UGT1A5: variants seen among roughly 807,000 people sequenced by gnomAD.
UGT1A5 encodes UDP glucuronosyltransferase family 1 member A5.
A neutral mutation model predicts 40.3 loss-of-function variants in UGT1A5; 29 were observed. The observed-to-expected ratio is 0.72, with a 90% CI of 0.54 to 0.98. The LOEUF is 0.98. UGT1A5 is among the 50% of genes least tolerant of loss of function. The pLI is 0.00. For synonymous variants in UGT1A5, 257 were observed against 262.5 expected (o/e 0.98, Z 0.20); for missense variants, 678 against 677.9 (o/e 1.00, Z 0.00).
intron 1 of UGT1A5, among the ~76,000 whole-genome samples, chr2:233,715,794 A>C (rs146761733): frequency 1.4e-4 from 21 of 152,268 alleles, no homozygotes; most frequent in African/African-American, 4.8e-4. Flanking sequence ...ATTTATTTGG[A>C]ATGTGAAAAT....
intron 1 of UGT1A5, among the ~76,000 whole-genome samples, chr2:233,724,562 G>T (rs1169483427): frequency 1.1e-4 from 14 of 128,924 alleles, no homozygotes; most frequent in Non-Finnish European, 2.0e-4. Flanking sequence ...TCCCAGATGG[G>T]GCGGCGGGGC....
intron 1 of UGT1A5, chr2:233,722,007 A>C: frequency 7.7e-6 from 2 of 258,328 alleles, no homozygotes; most frequent in Non-Finnish European, 1.5e-5. Context: ...TTAAGTGAAC[A>C]GGAAAACTGA....
At chr2:233,727,532 CGT>C in intron 1 of UGT1A5, among the ~76,000 whole-genome samples, 1 of 152,260 alleles carries the variant, frequency 6.6e-6, no homozygotes, top group South Asian at 2.1e-4. Context: ...CACTACCAGG[CGT>C]GTTCCACCCG....
In UGT1A5 at chr2:233,713,164, T is replaced by C. The variant is rs577803036; in HGVS notation, c.173T>C (p.Val58Ala). 359 of 1,614,206 alleles carry C rather than the reference T, an allele frequency of 2.2e-4. 2 individuals carry two copies. In the South Asian group the frequency reaches 3.5e-3, roughly 16 times the overall value. The change falls in exon 1 of 5, where the codon GTG becomes GCG. Residue 58 changes from valine to alanine, a missense_variant. Coordinates refer to ENST00000373414, the MANE Select transcript of UGT1A5 (RefSeq NM_019078.2). ...LRDLHARGHQ[V>A]VVLTLEVNMY... ...GACCTCCATGCGAGAGGCCACCAGG[T>C]GGTGGTCCTCACCCTGGAGGTGAAT...
intron 1 of UGT1A5, among the ~76,000 whole-genome samples, chr2:233,727,224 G>A (rs1324084133): frequency 6.6e-6 from 1 of 152,098 alleles, no homozygotes; most frequent in Admixed American, 6.5e-5. Flanking sequence ...TTCCACATAT[G>A]CGGATGGCTC....
chr2:233,744,977 C>G (rs528812849), intron 1 of UGT1A5, among the ~76,000 whole-genome samples: 5 of 151,856 alleles, frequency 3.3e-5, no homozygotes, highest in Non-Finnish European at 7.3e-5. Flanking sequence ...CTTTAAGCCT[C>G]TAGTCATCTC....
At chr2:233,743,935 C>T (rs761038539) in intron 1 of UGT1A5, 2 of 1,356,896 alleles carry the variant, frequency 1.5e-6, no homozygotes, top group African/African-American at 1.5e-5. Flanking sequence ...GCCAGAACGG[C>T]CCACCAGGCA....
At chr2:233,728,419 C>T (rs1433487219) in intron 1 of UGT1A5, among the ~76,000 whole-genome samples, 2 of 152,142 alleles carry the variant, frequency 1.3e-5, no homozygotes, top group East Asian at 3.9e-4. Flanking sequence ...GATAGCAGCA[C>T]CTCTTCTTCC....
intron 1 of UGT1A5, among the ~76,000 whole-genome samples, chr2:233,737,102 G>T (rs992623703): frequency 6.6e-6 from 1 of 152,236 alleles, no homozygotes; most frequent in Non-Finnish European, 1.5e-5. Context: ...TAAGTCTGCT[G>T]TTCCCCACAT....
intron 4 of UGT1A5, chr2:233,771,347 C>T (rs1700292038): frequency 6.6e-6 from 1 of 152,046 alleles, no homozygotes; most frequent in South Asian, 2.1e-4. Context: ...CCTGTAGCAC[C>T]AAGGGTTGAA....
At chr2:233,772,033 A>T (rs33979061) in intron 4 of UGT1A5, among the ~76,000 whole-genome samples, 1 of 152,088 alleles carries the variant, frequency 6.6e-6, no homozygotes, top group Non-Finnish European at 1.5e-5. Flanking sequence ...GGATGGCTTG[A>T]GCCCAGGAGT....
intron 1 of UGT1A5, among the ~76,000 whole-genome samples, chr2:233,732,820 C>G (rs1332712556): frequency 2.1e-5 from 3 of 141,934 alleles, no homozygotes; most frequent in Non-Finnish European, 4.5e-5. Context: ...TCCATATGAA[C>G]TTTAAAGTAG....
intron 1 of UGT1A5, among the ~76,000 whole-genome samples, chr2:233,725,693 A>G (rs2077467209): frequency 1.3e-5 from 2 of 152,246 alleles, no homozygotes; most frequent in African/African-American, 2.4e-5. Flanking sequence ...CTCAATAGTC[A>G]TATGTAGTTA....
intron 1 of UGT1A5, among the ~76,000 whole-genome samples, chr2:233,714,080 A>G (rs1575505988): frequency 6.6e-6 from 1 of 152,026 alleles, no homozygotes; most frequent in Admixed American, 6.6e-5. Flanking sequence ...AGGGACGAGG[A>G]TCTGTCAAAG....
rs61740163 is a variant in UGT1A5 at position 233,729,805 on chromosome 2, T to G, written c.867+15947T>G. ...GGCCCTGTCCTACATTTGCCATGCT[T>G]TTTCTGCTCCTTATGCAAGCCTTGC... On this transcript the variant is annotated intron_variant, in intron 1 of 4. Coordinates refer to ENST00000373414, the MANE Select transcript of UGT1A5 (RefSeq NM_019078.2). 2.8e-4 allele frequency: 444 copies of G among 1,610,698 alleles called. 1 individual carries two copies. The African/African-American group carries it at 4.6e-3, about 17-fold the overall frequency.
intron 1 of UGT1A5, among the ~76,000 whole-genome samples, chr2:233,744,866 G>A (rs1299036461): frequency 1.3e-4 from 20 of 151,914 alleles, no homozygotes; most frequent in Non-Finnish European, 1.5e-4. Context: ...TATTCTGAAG[G>A]GATTAGTTTA....
chr2:233,739,954 C>G lies in UGT1A5; in HGVS notation c.867+26096C>G, dbSNP rs28900075. On this transcript the variant is annotated intron_variant, in intron 1 of 4. Coordinates refer to ENST00000373414, the MANE Select transcript of UGT1A5 (RefSeq NM_019078.2). Reference sequence around the variant, plus strand: ...TGTTAAGGTTGGTACCTGGTGGGAGCTGATTGAATCATATCGGCAGTTTTC... The same window carrying G: ...TGTTAAGGTTGGTACCTGGTGGGAGGTGATTGAATCATATCGGCAGTTTTC... Among the ~76,000 whole-genome samples the G allele has an allele frequency of 3.7e-4, 56 of 151,998 alleles. No homozygotes were observed. In the East Asian group the frequency reaches 0.011, roughly 29 times the overall value.
intron 1 of UGT1A5, among the ~76,000 whole-genome samples, chr2:233,757,296 G>A (rs1428870685): frequency 7.7e-6 from 1 of 129,554 alleles, no homozygotes; most frequent in African/African-American, 2.9e-5. Flanking sequence ...ACAGCTGGGG[G>A]TTGGGGGACA....
At position 233,768,425 on chromosome 2, in the gene UGT1A5, C is replaced by A. The variant is rs1021872145; in HGVS notation, c.1293C>A (p.Val431=). 5.0e-6 allele frequency: 8 copies of A among 1,613,756 alleles called. No individual in the cohort carries two copies. Among genetic ancestry groups the A allele is most frequent in the Non-Finnish European group, 5.9e-6 (7 of 1,179,962 alleles). Residue 431 remains valine, a synonymous_variant, in exon 4 of 5, where the codon GTC becomes GTA. Transcript: ENST00000373414. ...ATTTAGAAAATGCTCTAAAAGCAGTCATCAATGACAAAAGGTAAGAAAGAA... is the reference window on the plus strand; with the variant it reads ...ATTTAGAAAATGCTCTAAAAGCAGTAATCAATGACAAAAGGTAAGAAAGAA... The part of the protein sequence containing the change: ...SEDLENALKA[V]INDKSYKENI...
Sources: allele counts gnomAD v4.1 joint callset (sites outside exome capture counted in the v4.1 genomes callset), GRCh38; gene constraint gnomAD v4.1.1; transcripts MANE v1.5; gene names NCBI Gene and HGNC (gene_info 2026-07-23, HGNC 2026-07-21).